The following ACSM5 variants were observed in gnomAD, a reference collection of about 807,000 sequenced individuals.
ACSM5 encodes acyl-coenzyme A synthetase ACSM5, mitochondrial.
A neutral mutation model predicts 71.6 loss-of-function variants in ACSM5; 56 were observed. The ratio of observed to expected loss-of-function variants is 0.78; its 90% CI spans 0.63 to 0.98. The LOEUF is 0.98. ACSM5 is among the 50% of genes least tolerant of loss of function. The probability of loss-of-function intolerance (pLI) is 0.00; values close to 1 mark genes in which losing one functional copy is unlikely to be tolerated. For missense variants in ACSM5, 723 were observed against 726.0 expected (o/e 1.00, Z 0.05); for synonymous variants, 285 against 281.5 (o/e 1.01, Z -0.12).
chr16:20,419,105 A>G, intron 3 of ACSM5, 123 bp from the exon 4 acceptor site: 5 of 767,822 alleles, frequency 6.5e-6, no homozygotes, highest in East Asian at 2.7e-5. Context: ...TATTATTATT[A>G]TTGTTACGTC....
chr16:20,437,828 CTT>C (rs113906500), intron 12 of ACSM5, among the ~76,000 whole-genome samples: 6 of 141,398 alleles, frequency 4.2e-5, no homozygotes, highest in African/African-American at 7.9e-5. Context: ...AGGAGAAATC[CTT>C]TTTTTTTTTT....
intron 10 of ACSM5, among the ~76,000 whole-genome samples, chr16:20,436,795 C>A (rs1328773717): frequency 6.6e-6 from 1 of 152,112 alleles, no homozygotes; most frequent in Non-Finnish European, 1.5e-5. Flanking sequence ...CTTTCTAGAC[C>A]CCCTTCTAAG....
intron 7 of ACSM5, 74 bp downstream of exon 7, chr16:20,427,941 T>G (rs1967022260): frequency 2.9e-6 from 3 of 1,038,572 alleles, no homozygotes; most frequent in African/African-American, 1.6e-5. Flanking sequence ...CACACACAAC[T>G]ACCCTCTCAT....
intron 3 of ACSM5, 30 bp downstream of exon 3, chr16:20,418,299 G>T: frequency 1.3e-6 from 2 of 1,585,584 alleles, no homozygotes; most frequent in Non-Finnish European, 1.7e-6. Flanking sequence ...AATTTTAGTT[G>T]GGGGCAGACA....
intron 10 of ACSM5, among the ~76,000 whole-genome samples, chr16:20,436,253 C>T (rs1287837523): frequency 7.0e-6 from 1 of 143,736 alleles, no homozygotes; most frequent in Non-Finnish European, 1.5e-5. Flanking sequence ...CTCCTCTCCC[C>T]TCCCCTCCCG....
Position 20,421,342 on chromosome 16 carries a change from C to T in ACSM5, c.708C>T (p.Ala236=), listed in dbSNP as rs1182180467. 1.9e-6 allele frequency: 3 copies of T among 1,609,728 alleles called. No homozygotes were observed. The African/African-American group carries it at 4.0e-5, about 22-fold the overall frequency. The part of the protein sequence containing the change: ...AIYFTSGTTG[A]PKMVEHSQSS... ...ACTTTACCAGCGGAACCACCGGGGC[C>T]CCCAAGATGGTCGAGCACTCCCAGA... The change falls in exon 5 of 14, where the codon GCC becomes GCT. Residue 236 remains alanine (A), a synonymous_variant. Coordinates refer to ENST00000331849, the MANE Select transcript of ACSM5 (RefSeq NM_017888.3).
intron 2 of ACSM5, among the ~76,000 whole-genome samples, chr16:20,415,758 T>A (rs1966855127): frequency 6.6e-6 from 1 of 152,188 alleles, no homozygotes; most frequent in African/African-American, 2.4e-5. Context: ...CACAGATGAT[T>A]AAGGGCTTTG....
At chr16:20,411,118 G>T (rs1034332105) in intron 1 of ACSM5, among the ~76,000 whole-genome samples, 7 of 152,148 alleles carry the variant, frequency 4.6e-5, no homozygotes, top group Non-Finnish European at 1.0e-4. Flanking sequence ...ATTTCTGTTG[G>T]ACAGTGCTGC....
chr16:20,435,295 A>C lies in ACSM5; in HGVS notation c.1309-1757A>C, dbSNP rs572427700. 2.6e-4 allele frequency among the ~76,000 whole-genome samples: 39 copies of C among 152,316 alleles called. 1 individual carries two copies. In the South Asian group the frequency reaches 7.9e-3, roughly 31 times the overall value. On this transcript the variant is annotated intron_variant, in intron 10 of 13. Coordinates refer to ENST00000331849, the MANE Select transcript of ACSM5 (RefSeq NM_017888.3). ...TGATCCACCTGCCTTGGCCTCCCGA[A>C]GTGCTGGGATTATAGGCATGAGCCA... is the stretch of plus-strand genomic sequence containing the variant.
intron 5 of ACSM5, among the ~76,000 whole-genome samples, chr16:20,423,262 C>A (rs1291214160): frequency 1.3e-5 from 2 of 152,192 alleles, no homozygotes; most frequent in African/African-American, 4.8e-5. Context: ...TGGGGAGAAC[C>A]AGGAGTGCGC....
intron 2 of ACSM5, chr16:20,411,962 C>T: frequency 4.5e-6 from 2 of 440,972 alleles, no homozygotes; most frequent in South Asian, 2.4e-5. Flanking sequence ...GATTCCCTTC[C>T]AGTTGTTCAT....
intron 10 of ACSM5, among the ~76,000 whole-genome samples, chr16:20,432,386 G>A (rs1280055615): frequency 6.6e-6 from 1 of 152,182 alleles, no homozygotes; most frequent in Admixed American, 6.5e-5. Flanking sequence ...AGAAGGAGCA[G>A]AAATAAATCA....
chr16:20,436,218 TCTTCCCTTCC>T (rs1311385772), intron 10 of ACSM5, among the ~76,000 whole-genome samples: 59 of 135,794 alleles, frequency 4.3e-4, no homozygotes, highest in African/African-American at 1.6e-3. Context: ...TCTTCCCTTC[TCTTCCCTTCC>T]CTTCCCTCCC....
At chr16:20,414,189 A>G (rs1482339702) in intron 2 of ACSM5, among the ~76,000 whole-genome samples, 1 of 152,242 alleles carries the variant, frequency 6.6e-6, no homozygotes, top group Non-Finnish European at 1.5e-5. Flanking sequence ...CCCCTTCCCC[A>G]AGATTTTTAT....
chr16:20,424,860 T>C lies in ACSM5; in HGVS notation c.921+791T>C, dbSNP rs531687663. On this transcript the variant is annotated intron_variant, in intron 6 of 13. Transcript: ENST00000331849. The stretch of plus-strand genomic sequence containing the variant: ...GGTTCTTTTTTGAAATAATTTTTAA[T>C]TTTTGTGGATACATAGTAGGTGTAT... Among the ~76,000 whole-genome samples, 54 of 152,346 alleles carry C rather than the reference T, an allele frequency of 3.5e-4. No individual in the cohort carries two copies. In the East Asian group the frequency reaches 5.0e-3, roughly 14 times the overall value.
rs118032883 is a variant in ACSM5, at chr16:20,413,675, C to T, written c.204+1987C>T. 1.8e-4 allele frequency among the ~76,000 whole-genome samples: 28 copies of T among 152,318 alleles called. No individual in the cohort carries two copies. The East Asian group carries it at 5.4e-3, about 29-fold the overall frequency. ...TCCTGGAAATCTAGAAATCAACACA[C>T]CTAAGTAAGGCTGTGTGCTTTCCTA... On this transcript the variant is annotated intron_variant, in intron 2 of 13. Transcript: ENST00000331849.
chr16:20,411,537 C>A lies in ACSM5; in HGVS notation c.53C>A (p.Ala18Glu). ...LVLQALRNSRAFCGSHGKPAP... is the reference protein window; with the variant it reads ...LVLQALRNSREFCGSHGKPAP... ...CTCCAGGCACTGAGGAACTCCAGGG[C>A]ATTCTGTGGGTCTCATGGGAAGCCA... Residue 18 changes from alanine (A) to glutamate (E), a missense_variant, in exon 2 of 14, where the codon GCA becomes GAA. Coordinates refer to ENST00000331849, the MANE Select transcript of ACSM5 (RefSeq NM_017888.3). 3 of 1,614,162 alleles carry A rather than the reference C, an allele frequency of 1.9e-6. No homozygotes were observed. Among genetic ancestry groups the A allele is most frequent in the Non-Finnish European group, 2.5e-6 (3 of 1,180,020 alleles).
chr16:20,409,898 AGAGGTGAG>A (rs1966844222), intron 1 of ACSM5, among the ~76,000 whole-genome samples: 2 of 58,306 alleles, frequency 3.4e-5, no homozygotes, highest in Admixed American at 2.6e-4. Flanking sequence ...GAGGGGCGGG[AGAGGTGAG>A]GGGCGGGAGA....
rs1967308311 is a variant in ACSM5 at position 20,440,593 on chromosome 16, A to G, written c.*166A>G. 8 of 630,680 alleles carry G rather than the reference A, an allele frequency of 1.3e-5. No individual in the cohort carries two copies. The East Asian group carries it at 2.2e-4, about 18-fold the overall frequency. The allele number at this position is 630,680 out of a possible 1,614,324, so 39.1% of individuals were successfully genotyped here. On this transcript the variant is annotated 3_prime_UTR_variant, in exon 14 of 14. Coordinates refer to ENST00000331849, the MANE Select transcript of ACSM5 (RefSeq NM_017888.3). ...ATCACTGGGCAATGCTGGAAAGAGCAAAAGAATATCATTGGCCCTGATCAC... is the reference window on the plus strand; with the variant it reads ...ATCACTGGGCAATGCTGGAAAGAGCGAAAGAATATCATTGGCCCTGATCAC...
Sources: gnomAD v4.1 joint callset for allele counts (sites outside exome capture counted in the v4.1 genomes callset) on GRCh38, gnomAD v4.1.1 for gene constraint, MANE v1.5 for transcripts, NCBI Gene and HGNC (gene_info 2026-07-23, HGNC 2026-07-21) for gene names.